Variants in TRIP4 observed in about 807,000 individuals in gnomAD.
The protein encoded by TRIP4 is thyroid hormone receptor interactor 4.
A neutral mutation model predicts 81.8 loss-of-function variants in TRIP4; 54 were observed. The ratio of observed to expected loss-of-function variants is 0.66; its 90% CI spans 0.53 to 0.83. The LOEUF (loss-of-function observed/expected upper bound fraction) is 0.83. TRIP4 is among the 40% of genes least tolerant of loss of function. The pLI is 0.00. For missense variants in TRIP4, 662 were observed against 683.6 expected, an observed-to-expected ratio of 0.97 and a Z score of 0.35; for synonymous variants, 270 against 242.8, an observed-to-expected ratio of 1.11 and a Z score of -1.04.
intron 9 of TRIP4, among the ~76,000 whole-genome samples, chr15:64,419,055 C>G (rs1273198992): frequency 6.6e-6 from 1 of 152,154 alleles, no homozygotes; most frequent in East Asian, 1.9e-4. Flanking sequence ...GAAAAATCTT[C>G]TCTTGGCTTT....
rs1433645800 is a variant in TRIP4 at position 64,439,854 on chromosome 15, A to G, written c.1576-5152A>G. 2.0e-5 allele frequency among the ~76,000 whole-genome samples: 3 copies of G among 152,036 alleles called. No homozygotes were observed. The East Asian group carries it at 5.8e-4, about 29-fold the overall frequency. ...ATAAATCTTATATCTGGAGACAGAT[A>G]TAAGATTTACAGATCATCTGGGAAT... On this transcript the variant is annotated intron_variant, in intron 11 of 12. Transcript: ENST00000261884.
rs1199930011 is a variant in TRIP4, at chr15:64,442,575, G to A, written c.1576-2431G>A. On this transcript the variant is annotated intron_variant, in intron 11 of 12. Transcript: ENST00000261884. ...GCTGGGATTAGAAGTGTGAGCCACC[G>A]CACCTAGCCAGAGAAAAGAATTCTA... Among the ~76,000 whole-genome samples, 6 of 150,840 alleles carry A rather than the reference G, an allele frequency of 4.0e-5. No individual in the cohort carries two copies. The East Asian group carries it at 7.9e-4, about 20-fold the overall frequency.
At position 64,404,739 on chromosome 15, in the gene TRIP4, C is replaced by T. The variant is rs574344769; in HGVS notation, c.698-1591C>T. On this transcript the variant is annotated intron_variant, in intron 5 of 12. Coordinates refer to ENST00000261884, the MANE Select transcript of TRIP4 (RefSeq NM_016213.5). The stretch of plus-strand genomic sequence containing the variant: ...CCTTGTTTGTTTGTTTGTTTTTAGA[C>T]GGTCTCTGTCAGGCTGGAGTACATT... 5.9e-5 allele frequency among the ~76,000 whole-genome samples: 9 copies of T among 151,790 alleles called. No individual in the cohort carries two copies. In the East Asian group the frequency reaches 9.7e-4, roughly 16 times the overall value.
chr15:64,416,449 G>A (rs1157604263), intron 8 of TRIP4, among the ~76,000 whole-genome samples: 1 of 152,178 alleles, frequency 6.6e-6, no homozygotes, highest in East Asian at 1.9e-4. Flanking sequence ...CCAGCCAGGT[G>A]TGGTGGCTCA....
At chr15:64,398,424 CA>C (rs745672952) in intron 4 of TRIP4, among the ~76,000 whole-genome samples, 1,576 of 16,258 alleles carry the variant, frequency 0.097, 5 homozygotes, top group African/African-American at 0.18. Flanking sequence ...CCTGTCTCTA[CA>C]AAAAAAAAAA....
chr15:64,420,582 G>A (rs1466771293), intron 9 of TRIP4, among the ~76,000 whole-genome samples: 3 of 147,864 alleles, frequency 2.0e-5, no homozygotes, highest in Non-Finnish European at 4.5e-5. Flanking sequence ...GGAGTGCAGT[G>A]GCGTGATCTC....
intron 7 of TRIP4, among the ~76,000 whole-genome samples, chr15:64,413,064 A>G (rs906267025): frequency 2.0e-5 from 3 of 152,096 alleles, no homozygotes; most frequent in African/African-American, 7.2e-5. Context: ...GCCTTCAAGC[A>G]AAGATAGAAT....
At position 64,420,802 on chromosome 15, in the gene TRIP4, G is replaced by A. The variant is rs189983704; in HGVS notation, c.1358+2074G>A. Among the ~76,000 whole-genome samples, 55 of 152,060 alleles carry A rather than the reference G, an allele frequency of 3.6e-4. 1 individual carries two copies. Among genetic ancestry groups the A allele is most frequent in the African/African-American group, 1.2e-3 (48 of 41,534 alleles). ...CCGCCTCGGCCTCTCAAAGTGCTGG[G>A]ATTATAGGCGTGAGCCACCGTGCCA... On this transcript the variant is annotated intron_variant, in intron 9 of 12. Transcript: ENST00000261884.
chr15:64,412,518 CG>C (rs1049018866), intron 7 of TRIP4, among the ~76,000 whole-genome samples: 1 of 150,422 alleles, frequency 6.6e-6, no homozygotes, highest in African/African-American at 2.4e-5. Flanking sequence ...ATCATCTATA[CG>C]GCTTTCTTAA....
intron 11 of TRIP4, among the ~76,000 whole-genome samples, chr15:64,435,048 T>A (rs1892359618): frequency 6.6e-6 from 1 of 150,794 alleles, no homozygotes; most frequent in Non-Finnish European, 1.5e-5. Context: ...AAACCCCGTC[T>A]CTACAAAAAA....
intron 11 of TRIP4, among the ~76,000 whole-genome samples, chr15:64,435,927 A>G (rs952863324): frequency 2.8e-5 from 4 of 145,316 alleles, no homozygotes; most frequent in Non-Finnish European, 6.0e-5. Context: ...AGTAAAATTT[A>G]TATTTTCTTC....
At chr15:64,434,365 C>T (rs536339531) in intron 11 of TRIP4, among the ~76,000 whole-genome samples, 1 of 147,562 alleles carries the variant, frequency 6.8e-6, no homozygotes, top group East Asian at 2.0e-4. Flanking sequence ...TGCCATTGCA[C>T]TCCAGCCTGG....
At chr15:64,410,024 G>GAT (rs1026396534) in intron 7 of TRIP4, among the ~76,000 whole-genome samples, 196 bp downstream of exon 7, 9 of 133,864 alleles carry the variant, frequency 6.7e-5, no homozygotes, top group African/African-American at 2.5e-4. Flanking sequence ...TTGTGGTTTG[G>GAT]TTTTTTTTTT....
chr15:64,407,300 G>GGT (rs1179797569), intron 6 of TRIP4, among the ~76,000 whole-genome samples: 3 of 152,190 alleles, frequency 2.0e-5, no homozygotes, highest in Non-Finnish European at 4.4e-5. Flanking sequence ...CCCATCACAA[G>GGT]GTGTATAACT....
At chr15:64,392,146 A>G (rs930229111) in intron 1 of TRIP4, among the ~76,000 whole-genome samples, 1 of 149,780 alleles carries the variant, frequency 6.7e-6, no homozygotes, top group Non-Finnish European at 1.5e-5. Flanking sequence ...AACAAAACAA[A>G]AATTAGCCGG....
chr15:64,406,240 A>T (rs1891619012), intron 5 of TRIP4, 90 bp from the exon 6 acceptor site: 6 of 1,515,640 alleles, frequency 4.0e-6, no homozygotes, highest in Non-Finnish European at 5.4e-6. Context: ...CCAGAACCAG[A>T]TCTTCTGATG....
In TRIP4 at chr15:64,394,101, G is replaced by T. The variant is rs781067085; in HGVS notation, c.257G>T (p.Cys86Phe). ...QELISDPLQQ[C>F]FKKDEILDGQ... ...TTGATTTCGGATCCTTTGCAGCAGT[G>T]CTTCAAAAAAGATGGTAAGTTAATG... Residue 86 changes from cysteine to phenylalanine, a missense_variant, in exon 2 of 13, where the codon TGC becomes TTC. Physicochemically the swap from Cys to Phe is radical, Grantham distance 205. Coordinates refer to ENST00000261884, the MANE Select transcript of TRIP4 (RefSeq NM_016213.5). 6.3e-7 allele frequency: 1 copy of T among 1,595,180 alleles called. No individual in the cohort carries two copies. The highest frequency in any genetic ancestry group is 1.1e-5 in the South Asian group (1 of 87,616).
At chr15:64,442,545 A>T (rs1892539956) in intron 11 of TRIP4, among the ~76,000 whole-genome samples, 1 of 151,770 alleles carries the variant, frequency 6.6e-6, no homozygotes, top group Admixed American at 6.6e-5. Flanking sequence ...TGGGCCTCCC[A>T]AAGTGCTGGG....
Position 64,409,757 on chromosome 15 carries a change from G to A in TRIP4, c.972G>A (p.Lys324=). The change falls in exon 7 of 13, where the codon AAG becomes AAA. Residue 324 remains lysine, a synonymous_variant. Coordinates refer to ENST00000261884, the MANE Select transcript of TRIP4 (RefSeq NM_016213.5). ...TTCGACACGCCTCTCGACTTTCTAA[G>A]AAGGTCACCATTGACTTTGCAGGAA... ...RELRHASRLS[K]KVTIDFAGRK... 1 of 1,614,148 alleles carries A rather than the reference G, an allele frequency of 6.2e-7. No homozygotes were observed. Among genetic ancestry groups the A allele is most frequent in the Non-Finnish European group, 8.5e-7 (1 of 1,180,028 alleles).
Sources: allele counts gnomAD v4.1 joint callset (sites outside exome capture counted in the v4.1 genomes callset), GRCh38; gene constraint gnomAD v4.1.1; transcripts MANE v1.5; gene names NCBI Gene and HGNC (gene_info 2026-07-23, HGNC 2026-07-21).